Variants in RASAL2 observed in about 807,000 individuals in gnomAD.
The protein encoded by RASAL2 is RAS protein activator like 2.
RASAL2 carries 58 observed loss-of-function variants against 128.9 expected under a neutral mutation model. The observed-to-expected ratio is 0.45, with a 90% CI of 0.36 to 0.56. The LOEUF (loss-of-function observed/expected upper bound fraction) is 0.56. Ranked by LOEUF, RASAL2 falls within the 20% of genes least tolerant of loss-of-function variation. The pLI is 0.00. For synonymous variants in RASAL2, 561 were observed against 580.8 expected (o/e 0.97, Z 0.49); for missense variants, 1,360 against 1,601.6 (o/e 0.85, Z 2.57).
At position 178,390,164 on chromosome 1, in the gene RASAL2, C is replaced by T. The variant is rs780202107; in HGVS notation, c.522C>T (p.Pro174=). Residue 174 remains proline, a synonymous_variant, in exon 4 of 18, where the codon CCC becomes CCT. Transcript: ENST00000367649. The part of the protein sequence containing the change: ...SISGTSTSEK[P]NSMDTANTSP... ...CAGGGACCAGTACATCAGAGAAACC[C>T]AACTCCATGGACACTGCAAATACCT... 24 of 1,613,048 alleles carry T rather than the reference C, an allele frequency of 1.5e-5. No individual in the cohort carries two copies. Among genetic ancestry groups the T allele is most frequent in the Non-Finnish European group, 2.0e-5 (24 of 1,179,410 alleles).
At chr1:178,288,020 T>C (rs1412297774) in intron 2 of RASAL2, among the ~76,000 whole-genome samples, 2 of 152,150 alleles carry the variant, frequency 1.3e-5, no homozygotes. Flanking sequence ...AAGACCAAAT[T>C]TTTATTGGGT....
chr1:178,299,768 TA>T (rs1205747401), intron 2 of RASAL2, among the ~76,000 whole-genome samples: 1 of 152,200 alleles, frequency 6.6e-6, no homozygotes, highest in East Asian at 1.9e-4. Flanking sequence ...GTGCTGGGAT[TA>T]CAGGCGTGAG....
At chr1:178,321,426 G>A (rs1047822790) in intron 3 of RASAL2, among the ~76,000 whole-genome samples, 22 of 151,996 alleles carry the variant, frequency 1.4e-4, no homozygotes, top group African/African-American at 5.3e-4. Flanking sequence ...CCTGAAATCT[G>A]GCTTTATTTG....
chr1:178,327,443 TC>T (rs1272013927), intron 3 of RASAL2, among the ~76,000 whole-genome samples: 1 of 152,102 alleles, frequency 6.6e-6, no homozygotes, highest in Non-Finnish European at 1.5e-5. Context: ...CCTCTTGAGT[TC>T]AAGCAATCCT....
At chr1:178,208,899 C>T (rs951796433) in intron 1 of RASAL2, among the ~76,000 whole-genome samples, 6 of 152,022 alleles carry the variant, frequency 3.9e-5, no homozygotes, top group East Asian at 1.9e-4. Flanking sequence ...ATTTCTCAGC[C>T]GGCCAACACT....
chr1:178,381,029 A>G (rs1363809216), intron 3 of RASAL2, among the ~76,000 whole-genome samples: 1 of 152,238 alleles, frequency 6.6e-6, no homozygotes, highest in Non-Finnish European at 1.5e-5. Context: ...GTTGGCAGAT[A>G]TGTAGGTGAA....
intron 3 of RASAL2, among the ~76,000 whole-genome samples, chr1:178,329,509 A>G (rs181061279): frequency 6.6e-6 from 1 of 152,296 alleles, no homozygotes; most frequent in African/African-American, 2.4e-5. Flanking sequence ...GTTTTCAGGG[A>G]TTTAAAGCAG....
intron 3 of RASAL2, among the ~76,000 whole-genome samples, chr1:178,361,934 A>G (rs1349246585): frequency 6.6e-6 from 1 of 151,972 alleles, no homozygotes. Context: ...CACGCAACCT[A>G]GATCCCTTGC....
At chr1:178,245,408 A>C (rs1204251335) in intron 1 of RASAL2, among the ~76,000 whole-genome samples, 1 of 151,744 alleles carries the variant, frequency 6.6e-6, no homozygotes, top group Non-Finnish European at 1.5e-5. Flanking sequence ...TCCTTCACCC[A>C]CTTTTTGATG....
Position 178,289,590 on chromosome 1 carries a change from C to T in RASAL2, c.330+5899C>T, listed in dbSNP as rs146576683. 2.0e-5 allele frequency among the ~76,000 whole-genome samples: 3 copies of T among 152,224 alleles called. No individual in the cohort carries two copies. In the East Asian group the frequency reaches 5.8e-4, roughly 29 times the overall value. On this transcript the variant is annotated intron_variant, in intron 2 of 17. Transcript: ENST00000367649. The stretch of plus-strand genomic sequence containing the variant: ...TCAGCCTCCCAAAGTGCTGGGATTA[C>T]AGGCATGAGCCACTGCACCAGGCCA...
At chr1:178,456,079 T>G (rs1677753056) in intron 12 of RASAL2, among the ~76,000 whole-genome samples, 1 of 152,222 alleles carries the variant, frequency 6.6e-6, no homozygotes, top group Non-Finnish European at 1.5e-5. Context: ...TAGAGGAAGT[T>G]TACCTGATTT....
chr1:178,366,104 G>A (rs937538838), intron 3 of RASAL2, among the ~76,000 whole-genome samples: 5 of 152,064 alleles, frequency 3.3e-5, no homozygotes, highest in African/African-American at 9.7e-5. Flanking sequence ...TTTGTTCTTG[G>A]TTTAGTAAGA....
chr1:178,286,602 T>C (rs1667038150), intron 2 of RASAL2, among the ~76,000 whole-genome samples: 1 of 152,016 alleles, frequency 6.6e-6, no homozygotes, highest in Non-Finnish European at 1.5e-5. Context: ...AGTAGAGATG[T>C]GGTTTCACAA....
In RASAL2 at chr1:178,118,543, G is replaced by C. The variant is rs78554351; in HGVS notation, c.202+23849G>C. Among the ~76,000 whole-genome samples the C allele has an allele frequency of 9.0e-3, 1,369 of 152,292 alleles. 22 individuals are homozygous for C. The highest frequency in any genetic ancestry group is 0.031 in the African/African-American group (1,287 of 41,570). ...CAGTTCACCTGGCTTAGTCACAAAT[G>C]GGTTGTGGATCTATTCCTTTCCAGT... On this transcript the variant is annotated intron_variant, in intron 1 of 17. Coordinates refer to ENST00000367649, the MANE Select transcript of RASAL2 (RefSeq NM_170692.4).
At chr1:178,407,407 A>G (rs1674065462) in intron 4 of RASAL2, among the ~76,000 whole-genome samples, 1 of 152,222 alleles carries the variant, frequency 6.6e-6, no homozygotes, top group African/African-American at 2.4e-5. Context: ...GAGAGCAAGG[A>G]AGGGAATTAT....
chr1:178,177,276 A>G (rs994977851), intron 1 of RASAL2, among the ~76,000 whole-genome samples: 1 of 152,212 alleles, frequency 6.6e-6, no homozygotes, highest in East Asian at 1.9e-4. Context: ...GGATTCAGCA[A>G]TTATGCTGTG....
intron 1 of RASAL2, among the ~76,000 whole-genome samples, chr1:178,176,650 GAGAC>G (rs1234396242): frequency 7.3e-5 from 11 of 149,848 alleles, no homozygotes; most frequent in East Asian, 2.0e-4. Context: ...GAGAGAGAGA[GAGAC>G]AGACAGACAG....
intron 1 of RASAL2, 110 bp from the exon 2 acceptor site, chr1:178,283,454 G>T: frequency 2.3e-6 from 3 of 1,294,700 alleles, no homozygotes; most frequent in South Asian, 3.2e-5. Context: ...ATTGAGATTC[G>T]TGTTTAGGCT....
chr1:178,167,645 A>G (rs1661561800), intron 1 of RASAL2, among the ~76,000 whole-genome samples: 1 of 152,124 alleles, frequency 6.6e-6, no homozygotes, highest in East Asian at 1.9e-4. Flanking sequence ...TACTGATAAC[A>G]TAAACGATTG....
Sources: allele counts gnomAD v4.1 joint callset (sites outside exome capture counted in the v4.1 genomes callset), GRCh38; gene constraint gnomAD v4.1.1; transcripts MANE v1.5; gene names NCBI Gene and HGNC (gene_info 2026-07-23, HGNC 2026-07-21).